MICALL2: variants seen among roughly 807,000 people sequenced by gnomAD.
MICALL2 encodes MICAL-like protein 2.
In MICALL2, 111 loss-of-function variants were observed where a neutral mutation model predicts 91.1. The observed-to-expected ratio is 1.22, with a 90% CI of 1.04 to 1.43. The LOEUF (loss-of-function observed/expected upper bound fraction) is 1.43. Among genes scored for constraint, MICALL2 ranks in the 40% most tolerant of loss-of-function variants. The pLI is 0.00. For synonymous variants in MICALL2, 694 were observed against 525.3 expected (o/e 1.32, Z -4.39); for missense variants, 1,556 against 1,236.0 (o/e 1.26, Z -3.88).
At chr7:1,434,985 G>GGGGC in intron 16 of MICALL2, 116 bp downstream of exon 16, 7 of 255,658 alleles carry the variant, frequency 2.7e-5, no homozygotes, top group Non-Finnish European at 5.2e-5. Context: ...CCCGATACCC[G>GGGGC]CCCCCCCCCC....
In MICALL2 at chr7:1,446,746, G is replaced by T. The variant is rs1399177820; in HGVS notation, c.608C>A (p.Ala203Asp). Residue 203 changes from alanine (A) to aspartate (D), a missense_variant, in exon 5 of 17, where the codon GCC becomes GAC. Ala to Asp is a moderately radical substitution (Grantham distance 126). Coordinates refer to ENST00000297508, the MANE Select transcript of MICALL2 (RefSeq NM_182924.4). Reference protein sequence around the residue: ...KHVHLVQRHLADGRLYHRSCF... With the variant: ...KHVHLVQRHLDDGRLYHRSCF... Reference sequence around the variant, plus strand: ...GCTCCGGTGGTAAAGCCTCCCGTCGGCCAGGTGCCGCTGTACCAGGTGCAC... The same window carrying T: ...GCTCCGGTGGTAAAGCCTCCCGTCGTCCAGGTGCCGCTGTACCAGGTGCAC... 1.9e-6 allele frequency: 3 copies of T among 1,606,542 alleles called. No individual in the cohort carries two copies. Among genetic ancestry groups the T allele is most frequent in the Non-Finnish European group, 2.5e-6 (3 of 1,177,712 alleles).
At position 1,444,943 on chromosome 7, in the gene MICALL2, G is replaced by A; in HGVS notation, c.1127C>T (p.Pro376Leu). Reference protein sequence around the residue: ...PSAPDPRPATPQGGGAPRVAA... With the variant: ...PSAPDPRPATLQGGGAPRVAA... ...CACTCGGGGGGCTCCCCCACCCTGG[G>A]GTGTGGCCGGGCGAGGGTCTGGGGC... Residue 376 changes from proline to leucine, a missense_variant, in exon 6 of 17, where the codon CCC (proline) becomes CTC (leucine). Coordinates refer to ENST00000297508, the MANE Select transcript of MICALL2 (RefSeq NM_182924.4). 11 of 1,515,098 alleles carry A rather than the reference G, an allele frequency of 7.3e-6. No individual in the cohort carries two copies. Among genetic ancestry groups the A allele is most frequent in the South Asian group, 2.5e-5 (2 of 79,190 alleles). The allele number at this position is 1,515,098 out of a possible 1,614,324, so 93.9% of individuals were successfully genotyped here. A position where few individuals can be genotyped will look rare whatever the true frequency, so the allele number is the denominator to read the frequency against.
rs748862201 is a variant in MICALL2 at position 1,437,946 on chromosome 7, G to C, written c.2346C>G (p.Phe782Leu). 1.9e-6 allele frequency: 3 copies of C among 1,549,922 alleles called. No homozygotes were observed. Among genetic ancestry groups the C allele is most frequent in the African/African-American group, 1.4e-5 (1 of 73,070 alleles). ...GAAGCTGCTTCTCGTGAATGAGCCA[G>C]AACCAGTCCACCATGAGGCTATCCT... ...DAEDSLMVDW[F>L]WLIHEKQLLL... is the part of the protein sequence containing the mutation. Residue 782 changes from phenylalanine to leucine, a missense_variant, in exon 13 of 17, where the codon TTC becomes TTG. Physicochemically the swap from Phe to Leu is conservative, Grantham distance 22. Transcript: ENST00000297508.
At position 1,434,684 on chromosome 7, in the gene MICALL2, GT is replaced by G. The variant is rs1171618957; in HGVS notation, c.2639-13del. 2 of 1,544,472 alleles carry G rather than the reference GT, an allele frequency of 1.3e-6. No homozygotes were observed. Among genetic ancestry groups the G allele is most frequent in the African/African-American group, 2.8e-5 (2 of 72,016 alleles). On this transcript the variant is annotated splice_polypyrimidine_tract_variant and intron_variant, in intron 16 of 16. Coordinates refer to ENST00000297508, the MANE Select transcript of MICALL2 (RefSeq NM_182924.4). Reference sequence around the variant, plus strand: ...CTTCCTCTGGAGGCCTAGGGGACAGGTGGACAGTGAGGCCGTGCTCAACGCC... The same window carrying G: ...CTTCCTCTGGAGGCCTAGGGGACAGGGGACAGTGAGGCCGTGCTCAACGCC...
intron 14 of MICALL2, 170 bp from the exon 15 acceptor site, chr7:1,437,026 C>T (rs958132566): frequency 2.7e-5 from 14 of 526,446 alleles, no homozygotes; most frequent in Admixed American, 7.7e-5. Context: ...AAGGAAGGAA[C>T]GGCCACGTCA....
At chr7:1,449,455 G>A (rs1168245432) in intron 2 of MICALL2, among the ~76,000 whole-genome samples, 1 of 152,228 alleles carries the variant, frequency 6.6e-6, no homozygotes. Context: ...GATTACAGGT[G>A]CGCACCACCA....
Position 1,445,152 on chromosome 7 carries a change from A to C in MICALL2, c.918T>G (p.Pro306=). ...ARASVPAAPN[P]AATSATSVHV... ...GGACGGACGTGGCGCTGGTGGCTGC[A>C]GGGTTGGGTGCAGCTGGAACGGAAG... Residue 306 remains proline, a synonymous_variant, in exon 6 of 17, where the codon CCT becomes CCG. Coordinates refer to ENST00000297508, the MANE Select transcript of MICALL2 (RefSeq NM_182924.4). 1 of 1,574,456 alleles carries C rather than the reference A, an allele frequency of 6.4e-7. No individual in the cohort carries two copies. Among genetic ancestry groups the C allele is most frequent in the Non-Finnish European group, 8.6e-7 (1 of 1,161,070 alleles).
Position 1,444,976 on chromosome 7 carries a change from G to A in MICALL2, c.1094C>T (p.Pro365Leu). The A allele has an allele frequency of 1.3e-6, 2 of 1,506,012 alleles. No homozygotes were observed. Among genetic ancestry groups the A allele is most frequent in the South Asian group, 1.3e-5 (1 of 77,294 alleles). The allele number at this position is 1,506,012 out of a possible 1,614,324, so 93.3% of individuals were successfully genotyped here. A position where few individuals can be genotyped will look rare whatever the true frequency, so the allele number is the denominator to read the frequency against. ...CGGGCGAGGGTCTGGGGCACTCGGG[G>A]GCACGGCGGGATGGGAGGCAGCCGC... ...TAAAASHPAV[P>L]PSAPDPRPAT... Residue 365 changes from proline (P) to leucine (L), a missense_variant, in exon 6 of 17, where the codon CCC becomes CTC. Coordinates refer to ENST00000297508, the MANE Select transcript of MICALL2 (RefSeq NM_182924.4).
At chr7:1,448,819 G>C in intron 2 of MICALL2, 58 bp from the exon 3 acceptor site, 1 of 1,595,480 alleles carries the variant, frequency 6.3e-7, no homozygotes, top group Non-Finnish European at 8.6e-7. Context: ...TTCTCCACCA[G>C]GCCGCAGCTC....
At chr7:1,448,836 A>C in intron 2 of MICALL2, 75 bp from the exon 3 acceptor site, 1 of 1,558,258 alleles carries the variant, frequency 6.4e-7, no homozygotes, top group Non-Finnish European at 8.8e-7. Flanking sequence ...GCTCACCTCG[A>C]CTCAAAGACA....
chr7:1,435,780 C>A (rs1779937632), intron 15 of MICALL2, among the ~76,000 whole-genome samples: 1 of 152,216 alleles, frequency 6.6e-6, no homozygotes, highest in African/African-American at 2.4e-5. Context: ...TTTGGCCGGG[C>A]ACGGTGGCTC....
At chr7:1,443,962 C>CCAGGCA (rs1780435028) in intron 6 of MICALL2, among the ~76,000 whole-genome samples, 8 of 152,068 alleles carry the variant, frequency 5.3e-5, no homozygotes, top group African/African-American at 1.9e-4. Context: ...AGGTCAGGGC[C>CCAGGCA]TGGCTGGACT....
chr7:1,443,614 C>T (rs1780417379), intron 6 of MICALL2, among the ~76,000 whole-genome samples: 2 of 152,178 alleles, frequency 1.3e-5, no homozygotes, highest in South Asian at 2.1e-4. Flanking sequence ...CAACCATGTC[C>T]TTAGAAGAGA....
At chr7:1,439,769 C>T in intron 9 of MICALL2, 156 bp downstream of exon 9, 1 of 544,822 alleles carries the variant, frequency 1.8e-6, no homozygotes, top group Admixed American at 4.2e-5. Flanking sequence ...CACATGTACA[C>T]ACAAGCCTGC....
In MICALL2 at chr7:1,434,508, G is replaced by C. The variant is rs748103119; in HGVS notation, c.*88C>G. 4.2e-5 allele frequency: 51 copies of C among 1,210,268 alleles called. No homozygotes were observed. The Admixed American group carries it at 8.5e-4, about 20-fold the overall frequency. The allele number at this position is 1,210,268 out of a possible 1,614,324, so 75.0% of individuals were successfully genotyped here. On this transcript the variant is annotated 3_prime_UTR_variant, in exon 17 of 17. Coordinates refer to ENST00000297508, the MANE Select transcript of MICALL2 (RefSeq NM_182924.4). ...GCCGAGCCCACGGCCCCGAGTACAA[G>C]TCCGGGTTCCGGGTCCGGGCCAAGC...
In MICALL2 at chr7:1,445,228, T is replaced by G; in HGVS notation, c.842A>C (p.Lys281Thr). Reference protein sequence around the residue: ...CSPQKAQEANKARPSAWEPAA... With the variant: ...CSPQKAQEANTARPSAWEPAA... Reference sequence around the variant, plus strand: ...AGGCTCCCAGGCCGACGGTCTGGCCTTGTTTGCCTCCTGGGCCTTCTGTGG... The same window carrying G: ...AGGCTCCCAGGCCGACGGTCTGGCCGTGTTTGCCTCCTGGGCCTTCTGTGG... Residue 281 changes from lysine (K) to threonine (T), a missense_variant, in exon 6 of 17, where the codon AAG becomes ACG. Transcript: ENST00000297508. 1 of 1,611,160 alleles carries G rather than the reference T, an allele frequency of 6.2e-7. No individual in the cohort carries two copies. Among genetic ancestry groups the G allele is most frequent in the Non-Finnish European group, 8.5e-7 (1 of 1,179,334 alleles).
intron 9 of MICALL2, 175 bp from the exon 10 acceptor site, chr7:1,439,170 G>A (rs1454361814): frequency 6.9e-6 from 4 of 580,348 alleles, no homozygotes; most frequent in Middle Eastern, 4.6e-4. Flanking sequence ...TGCCCAACCT[G>A]GCCATGTCTC....
chr7:1,439,522 A>C, intron 9 of MICALL2: 1 of 199,634 alleles, frequency 5.0e-6, no homozygotes, highest in Non-Finnish European at 1.0e-5. Flanking sequence ...CACATACACG[A>C]ACACAGACAC....
At position 1,445,039 on chromosome 7, in the gene MICALL2, G is replaced by A. The variant is rs1326315444; in HGVS notation, c.1031C>T (p.Ser344Phe). 2 of 1,537,776 alleles carry A rather than the reference G, an allele frequency of 1.3e-6. No individual in the cohort carries two copies. Among genetic ancestry groups the A allele is most frequent in the East Asian group, 4.9e-5 (2 of 40,920 alleles). Residue 344 changes from serine (S) to phenylalanine (F), a missense_variant, in exon 6 of 17, where the codon TCC (serine) becomes TTC (phenylalanine). Physicochemically the swap from Ser to Phe is radical, Grantham distance 155. Transcript: ENST00000297508. Reference sequence around the variant, plus strand: ...GGCAGCTGACGACCAGCCCATCGGGGAGCTATTGGTCACACGAGGGCGGAC... The same window carrying A: ...GGCAGCTGACGACCAGCCCATCGGGAAGCTATTGGTCACACGAGGGCGGAC... ...GKVRPRVTNS[S>F]PMGWSSAAPC...
Sources: allele counts gnomAD v4.1 joint callset (sites outside exome capture counted in the v4.1 genomes callset), GRCh38; gene constraint gnomAD v4.1.1; transcripts MANE v1.5; gene names NCBI Gene and HGNC (gene_info 2026-07-23, HGNC 2026-07-21).